The following AFG1L variants were observed in gnomAD, a reference collection of about 807,000 sequenced individuals.
The protein encoded by AFG1L is AFG1 like ATPase.
A neutral mutation model predicts 62.2 loss-of-function variants in AFG1L; 53 were observed. The observed-to-expected ratio is 0.85, with a 90% CI of 0.68 to 1.07. The LOEUF is 1.07. Ranked by LOEUF, AFG1L falls within the 50% of genes least tolerant of loss-of-function variation. AFG1L has a pLI of 0.00. For missense variants in AFG1L, 555 were observed against 590.5 expected (o/e 0.94, Z 0.62); for synonymous variants, 228 against 210.3 (o/e 1.08, Z -0.73).
intron 2 of AFG1L, among the ~76,000 whole-genome samples, chr6:108,325,371 T>A (rs1777996939): frequency 1.3e-5 from 2 of 151,948 alleles, no homozygotes; most frequent in African/African-American, 4.8e-5. Context: ...ACCATGGCAC[T>A]CTACCCAGCT....
At chr6:108,367,434 C>G (rs142587879) in intron 6 of AFG1L, among the ~76,000 whole-genome samples, 1 of 152,030 alleles carries the variant, frequency 6.6e-6, no homozygotes, top group East Asian at 1.9e-4. Context: ...GGTGATGGAG[C>G]AGTAAAGTGG....
intron 5 of AFG1L, among the ~76,000 whole-genome samples, chr6:108,362,785 T>C (rs948373504): frequency 3.3e-5 from 5 of 152,228 alleles, no homozygotes; most frequent in Non-Finnish European, 7.3e-5. Context: ...TATAAAGTCT[T>C]GTATTATGTG....
chr6:108,341,952 A>G (rs1778699584), intron 2 of AFG1L, among the ~76,000 whole-genome samples: 1 of 152,192 alleles, frequency 6.6e-6, no homozygotes, highest in Non-Finnish European at 1.5e-5. Flanking sequence ...GAGTCCTGGC[A>G]GAAAACAATT....
chr6:108,386,154 T>G (rs780338108), intron 6 of AFG1L, among the ~76,000 whole-genome samples: 1 of 151,974 alleles, frequency 6.6e-6, no homozygotes, highest in African/African-American at 2.4e-5. Context: ...ATAAAGACAT[T>G]CTAAGATTAA....
chr6:108,422,532 T>C lies in AFG1L; in HGVS notation c.807+20478T>C, dbSNP rs185346823. On this transcript the variant is annotated intron_variant, in intron 7 of 12. Coordinates refer to ENST00000368977, the MANE Select transcript of AFG1L (RefSeq NM_145315.5). ...AAATGCTCTATTTCAGAATCTAAAG[T>C]AAATCAAGTATTTTGTTGGGGGAAG... Among the ~76,000 whole-genome samples, 6 of 134,448 alleles carry C rather than the reference T, an allele frequency of 4.5e-5. No individual in the cohort carries two copies. The East Asian group carries it at 1.0e-3, about 23-fold the overall frequency. 88.2% of individuals were successfully genotyped at this position (134,448 alleles called of 152,430 possible).
intron 6 of AFG1L, among the ~76,000 whole-genome samples, chr6:108,378,893 T>C (rs1252092298): frequency 6.6e-6 from 1 of 151,816 alleles, no homozygotes; most frequent in Non-Finnish European, 1.5e-5. Flanking sequence ...CTTTCCCTTT[T>C]CCCTGCTTGC....
At chr6:108,357,736 A>G (rs951822186) in intron 5 of AFG1L, among the ~76,000 whole-genome samples, 1 of 152,158 alleles carries the variant, frequency 6.6e-6, no homozygotes, top group Admixed American at 6.5e-5. Context: ...GATTCTCTGA[A>G]ATTATGCGTT....
At chr6:108,361,757 T>G (rs1235740237) in intron 5 of AFG1L, among the ~76,000 whole-genome samples, 3 of 152,174 alleles carry the variant, frequency 2.0e-5, no homozygotes, top group Non-Finnish European at 4.4e-5. Flanking sequence ...ATATCTTTGC[T>G]CAATTACCTC....
chr6:108,514,586 C>G (rs556380172), intron 11 of AFG1L, among the ~76,000 whole-genome samples: 15 of 152,330 alleles, frequency 9.8e-5, no homozygotes, highest in Admixed American at 7.2e-4. Context: ...GAAACTGCAT[C>G]CACTAACGAG....
At chr6:108,420,386 TAAATAAAAATATATTTTTATTTTATTAAA>T (rs1199797030) in intron 7 of AFG1L, among the ~76,000 whole-genome samples, 2 of 148,242 alleles carry the variant, frequency 1.3e-5, no homozygotes, top group Non-Finnish European at 1.5e-5. Context: ...TTTATTAAAT[TAAATAAAAATATATTTTTATTTTATTAAA>T]AAATAAAAAT....
chr6:108,472,790 TTTTTC>T (rs575800567), intron 8 of AFG1L, among the ~76,000 whole-genome samples: 275 of 149,190 alleles, frequency 1.8e-3, no homozygotes, highest in African/African-American at 6.2e-3. Context: ...CCCTCCTTTC[TTTTTC>T]TTTTCTTTTC....
chr6:108,366,184 T>A (rs372510056), intron 5 of AFG1L, 49 bp from the exon 6 acceptor site: 2 of 1,182,900 alleles, frequency 1.7e-6, no homozygotes, highest in Non-Finnish European at 2.5e-6. Context: ...AGCAAATTTG[T>A]TACAGCAGAA....
chr6:108,505,614 T>G (rs1780450400), intron 10 of AFG1L, among the ~76,000 whole-genome samples: 1 of 152,156 alleles, frequency 6.6e-6, no homozygotes, highest in South Asian at 2.1e-4. Flanking sequence ...GAACTACGCT[T>G]CAGAAGGGAT....
intron 1 of AFG1L, among the ~76,000 whole-genome samples, chr6:108,307,099 C>T (rs972493304): frequency 1.3e-5 from 2 of 151,408 alleles, no homozygotes; most frequent in Non-Finnish European, 1.5e-5. Flanking sequence ...CTGCCATCTC[C>T]GTTTCCTGGG....
chr6:108,402,139 A>G, intron 7 of AFG1L, 85 bp downstream of exon 7: 2 of 644,784 alleles, frequency 3.1e-6, no homozygotes, highest in East Asian at 3.2e-5. Flanking sequence ...TAGTCTTGGC[A>G]TTCAAGCAGA....
At chr6:108,417,585 T>C (rs1770375786) in intron 7 of AFG1L, among the ~76,000 whole-genome samples, 1 of 152,162 alleles carries the variant, frequency 6.6e-6, no homozygotes, top group Non-Finnish European at 1.5e-5. Flanking sequence ...GGTTGGCAGA[T>C]TTATTTAAAA....
At chr6:108,322,551 A>G (rs1367021883) in intron 1 of AFG1L, among the ~76,000 whole-genome samples, 1 of 152,208 alleles carries the variant, frequency 6.6e-6, no homozygotes, top group Admixed American at 6.5e-5. Flanking sequence ...GCAGCCATGC[A>G]TCCAGCTAAA....
At chr6:108,408,921 G>A (rs2114651879) in intron 7 of AFG1L, among the ~76,000 whole-genome samples, 1 of 151,986 alleles carries the variant, frequency 6.6e-6, no homozygotes, top group Admixed American at 6.5e-5. Flanking sequence ...AGACAGTTGT[G>A]GGCACAGGAA....
At chr6:108,495,226 T>TA (rs1431550340) in intron 10 of AFG1L, among the ~76,000 whole-genome samples, 2 of 152,202 alleles carry the variant, frequency 1.3e-5, no homozygotes, top group Non-Finnish European at 2.9e-5. Flanking sequence ...TACTTCTCTT[T>TA]AAGATATGAA....
Sources: allele counts gnomAD v4.1 joint callset (sites outside exome capture counted in the v4.1 genomes callset), GRCh38; gene constraint gnomAD v4.1.1; transcripts MANE v1.5; gene names NCBI Gene and HGNC (gene_info 2026-07-23, HGNC 2026-07-21).